RBFOX1: variants seen among roughly 807,000 people sequenced by gnomAD.
RBFOX1 encodes the protein RNA binding fox-1 homolog 1.
Under a neutral mutation model 57.7 loss-of-function variants are expected in RBFOX1, and 8 were observed. That is an observed-to-expected ratio of 0.14 (90% CI 0.08 to 0.25). The LOEUF (loss-of-function observed/expected upper bound fraction) is 0.25, where lower values mean the gene tolerates loss of function less well. Among genes scored for constraint, RBFOX1 ranks in the 10% least tolerant of loss-of-function variants. The pLI is 1.00. For missense variants in RBFOX1, 611 were observed against 548.5 expected, an observed-to-expected ratio of 1.11 and a Z score of -1.14; for synonymous variants, 326 against 222.4, an observed-to-expected ratio of 1.47 and a Z score of -4.15.
chr16:6,478,418 T>TATATATATATACATATAC (rs2095313449), intron 2 of RBFOX1, among the ~76,000 whole-genome samples: 1 of 20,784 alleles, frequency 4.8e-5, no homozygotes, highest in African/African-American at 2.4e-4. Context: ...TATATATATA[T>TATATATATATACATATAC]ATATATATAT....
intron 3 of RBFOX1, among the ~76,000 whole-genome samples, chr16:6,855,453 C>A (rs2057669713): frequency 6.6e-6 from 1 of 151,986 alleles, no homozygotes; most frequent in Non-Finnish European, 1.5e-5. Flanking sequence ...AGATCGAGAC[C>A]ATCCTGGCTA....
At chr16:7,379,834 C>A (rs2097757383) in intron 4 of RBFOX1, among the ~76,000 whole-genome samples, 1 of 151,784 alleles carries the variant, frequency 6.6e-6, no homozygotes, top group African/African-American at 2.4e-5. Flanking sequence ...CCTCTTCCTT[C>A]CCTTCCTTCC....
intron 4 of RBFOX1, among the ~76,000 whole-genome samples, chr16:7,466,941 T>C (rs1197880703): frequency 2.0e-5 from 3 of 152,130 alleles, no homozygotes; most frequent in Non-Finnish European, 4.4e-5. Context: ...ACTGATTTAA[T>C]CAACACATAT....
chr16:5,348,248 C>T (rs943572142), intron 1 of RBFOX1, among the ~76,000 whole-genome samples: 2 of 152,072 alleles, frequency 1.3e-5, no homozygotes, highest in African/African-American at 4.8e-5. Context: ...CTGTTGAATC[C>T]CATCCATCCT....
chr16:6,232,341 C>G (rs555504184), intron 1 of RBFOX1, among the ~76,000 whole-genome samples: 15 of 152,272 alleles, frequency 9.9e-5, no homozygotes, highest in African/African-American at 3.4e-4. Context: ...AAAACTGCAG[C>G]TAATTCTCAA....
chr16:6,754,164 A>T (rs3919537), intron 3 of RBFOX1, among the ~76,000 whole-genome samples: 40,992 of 152,088 alleles, frequency 0.27, 6,365 homozygotes, highest in South Asian at 0.34. Flanking sequence ...TTGAGTACAA[A>T]TTGATTGCAA....
At chr16:7,265,702 G>C (rs12102358) in intron 4 of RBFOX1, among the ~76,000 whole-genome samples, 13 of 152,198 alleles carry the variant, frequency 8.5e-5, no homozygotes, top group African/African-American at 3.1e-4. Flanking sequence ...GCCTGCCTTA[G>C]CCTCCCAGTG....
intron 3 of RBFOX1, among the ~76,000 whole-genome samples, chr16:6,888,428 G>C (rs11077103): frequency 3.9e-5 from 6 of 151,902 alleles, no homozygotes; most frequent in Non-Finnish European, 8.8e-5. Context: ...TTAGAAAGCA[G>C]TGTTCTCTTT....
chr16:6,594,935 C>T (rs890857102), intron 2 of RBFOX1, among the ~76,000 whole-genome samples: 6 of 152,012 alleles, frequency 3.9e-5, no homozygotes, highest in South Asian at 2.1e-4. Flanking sequence ...ACTACAGGTG[C>T]GTGCCACCAC....
chr16:6,279,472 G>A (rs557832016), intron 1 of RBFOX1, among the ~76,000 whole-genome samples: 27 of 152,286 alleles, frequency 1.8e-4, no homozygotes, highest in African/African-American at 5.1e-4. Flanking sequence ...TTGCCTTGGA[G>A]TTTGAAAATA....
At chr16:6,893,040 C>T (rs138037435) in intron 3 of RBFOX1, among the ~76,000 whole-genome samples, 1,890 of 152,230 alleles carry the variant, frequency 0.012, 22 homozygotes, top group Non-Finnish European at 0.02. Context: ...TTGCACCAAC[C>T]GAATACATGA....
chr16:5,897,052 G>A (rs1377553836), intron 4 of RBFOX1, among the ~76,000 whole-genome samples: 1 of 68,850 alleles, frequency 1.5e-5, no homozygotes, highest in Non-Finnish European at 2.5e-5. Context: ...TTTTTGGGAC[G>A]GAGTCTCGCT....
At chr16:5,294,988 C>T (rs930395290) in intron 1 of RBFOX1, among the ~76,000 whole-genome samples, 1 of 133,852 alleles carries the variant, frequency 7.5e-6, no homozygotes, top group Admixed American at 8.1e-5. Context: ...CGAGATCGCA[C>T]CATTGCACTC....
At chr16:6,474,717 A>T (rs961067154) in intron 2 of RBFOX1, among the ~76,000 whole-genome samples, 12 of 152,186 alleles carry the variant, frequency 7.9e-5, no homozygotes, top group African/African-American at 2.4e-4. Flanking sequence ...CAGTGGTGAG[A>T]TGAGTTCCCT....
chr16:6,871,378 G>T (rs541847000), intron 3 of RBFOX1, among the ~76,000 whole-genome samples: 121 of 152,140 alleles, frequency 8.0e-4, no homozygotes, highest in Non-Finnish European at 1.4e-3. Flanking sequence ...TAGACATAGG[G>T]TTTCAGTATG....
intron 1 of RBFOX1, among the ~76,000 whole-genome samples, chr16:5,276,822 G>A (rs2063153094): frequency 6.6e-6 from 1 of 152,158 alleles, no homozygotes; most frequent in African/African-American, 2.4e-5. Context: ...ACGTGAAAGA[G>A]AACGCTTTTA....
intron 3 of RBFOX1, among the ~76,000 whole-genome samples, chr16:5,824,266 G>A (rs1362979397): frequency 6.6e-6 from 1 of 152,224 alleles, no homozygotes; most frequent in Non-Finnish European, 1.5e-5. Flanking sequence ...CTTGTGAAGA[G>A]CCCACCATGA....
intron 1 of RBFOX1, among the ~76,000 whole-genome samples, chr16:6,048,273 G>T (rs976814124): frequency 9.2e-5 from 14 of 152,136 alleles, no homozygotes; most frequent in African/African-American, 3.4e-4. Flanking sequence ...TCAGACCTTT[G>T]TCTATTACAC....
intron 1 of RBFOX1, among the ~76,000 whole-genome samples, chr16:6,212,979 G>A (rs142770903): frequency 6.6e-6 from 1 of 152,118 alleles, no homozygotes; most frequent in Admixed American, 6.5e-5. Context: ...CTTAATAAGT[G>A]AAGTATGTTA....
Sources: gnomAD v4.1 joint callset for allele counts (sites outside exome capture counted in the v4.1 genomes callset) on GRCh38, gnomAD v4.1.1 for gene constraint, MANE v1.5 for transcripts, NCBI Gene and HGNC (gene_info 2026-07-23, HGNC 2026-07-21) for gene names.